CPQ: variants seen among roughly 807,000 people sequenced by gnomAD.
CPQ encodes the protein Ser-Met dipeptidase.
A neutral mutation model predicts 45.7 loss-of-function variants in CPQ; 37 were observed. The ratio of observed to expected loss-of-function variants is 0.81; its 90% CI spans 0.62 to 1.07. The LOEUF (loss-of-function observed/expected upper bound fraction) is 1.07. Among genes scored for constraint, CPQ ranks in the 50% least tolerant of loss-of-function variants. CPQ has a pLI of 0.00. For missense variants in CPQ, 537 were observed against 572.9 expected (o/e 0.94, Z 0.64); for synonymous variants, 186 against 205.8 (o/e 0.90, Z 0.82).
chr8:97,094,701 CT>C (rs1811182242), intron 7 of CPQ, among the ~76,000 whole-genome samples: 1 of 152,142 alleles, frequency 6.6e-6, no homozygotes, highest in South Asian at 2.1e-4. Flanking sequence ...TCAATTCTCT[CT>C]CTTCTCTAAA....
At chr8:96,684,960 C>T (rs987949438) in intron 1 of CPQ, among the ~76,000 whole-genome samples, 2 of 151,750 alleles carry the variant, frequency 1.3e-5, no homozygotes, top group African/African-American at 4.8e-5. Flanking sequence ...AAAAATTAGC[C>T]AGGCATGGTG....
At chr8:96,647,867 C>T (rs1164661924) in intron 1 of CPQ, among the ~76,000 whole-genome samples, 3 of 152,172 alleles carry the variant, frequency 2.0e-5, no homozygotes, top group Admixed American at 6.5e-5. Flanking sequence ...TGAGTGACAT[C>T]GACAGCTGCC....
At chr8:96,692,495 T>C (rs1176083866) in intron 1 of CPQ, among the ~76,000 whole-genome samples, 1 of 151,704 alleles carries the variant, frequency 6.6e-6, no homozygotes, top group Non-Finnish European at 1.5e-5. Context: ...AGACAGACTC[T>C]GTTTGTTTGA....
intron 1 of CPQ, among the ~76,000 whole-genome samples, chr8:96,653,982 T>C (rs1815607322): frequency 2.0e-5 from 3 of 152,236 alleles, no homozygotes; most frequent in African/African-American, 7.2e-5. Flanking sequence ...ACAGTATCAG[T>C]CTTTCTTCTG....
chr8:97,114,997 C>G (rs578248440), intron 7 of CPQ, among the ~76,000 whole-genome samples: 1 of 152,292 alleles, frequency 6.6e-6, no homozygotes, highest in African/African-American at 2.4e-5. Flanking sequence ...TCCTCCTGGA[C>G]AGTTTCCATC....
intron 1 of CPQ, among the ~76,000 whole-genome samples, chr8:96,750,701 A>G (rs1810246861): frequency 6.6e-6 from 1 of 150,800 alleles, no homozygotes; most frequent in Admixed American, 6.6e-5. Flanking sequence ...AACATGTGCC[A>G]TGGTGGTTTG....
At chr8:97,043,077 A>T (rs1810161228) in intron 6 of CPQ, among the ~76,000 whole-genome samples, 2 of 151,848 alleles carry the variant, frequency 1.3e-5, no homozygotes, top group African/African-American at 4.8e-5. Flanking sequence ...TCTAATGTTG[A>T]CAGTGGGGTG....
chr8:96,986,010 G>A (rs1415334911), intron 5 of CPQ, among the ~76,000 whole-genome samples: 1 of 152,146 alleles, frequency 6.6e-6, no homozygotes, highest in Non-Finnish European at 1.5e-5. Context: ...GTAAACACTG[G>A]CATAACATTA....
chr8:97,001,993 G>A (rs187083009), intron 5 of CPQ, among the ~76,000 whole-genome samples: 90 of 151,930 alleles, frequency 5.9e-4, no homozygotes, highest in Middle Eastern at 3.4e-3. Flanking sequence ...GTTCAGTCTT[G>A]GGAGGGTGTA....
chr8:97,029,349 T>C, intron 5 of CPQ, 54 bp from the exon 6 acceptor site: 1 of 1,520,058 alleles, frequency 6.6e-7, no homozygotes, highest in Non-Finnish European at 8.9e-7. Flanking sequence ...GCCATTTTTT[T>C]ATAAAATTCA....
intron 4 of CPQ, among the ~76,000 whole-genome samples, chr8:96,961,816 A>C (rs1053479746): frequency 6.6e-5 from 10 of 152,166 alleles, no homozygotes; most frequent in African/African-American, 2.4e-4. Context: ...GAGAGGGTGA[A>C]ATGTTCTTCA....
chr8:96,847,239 C>T (rs770827018), intron 3 of CPQ, among the ~76,000 whole-genome samples: 1 of 152,190 alleles, frequency 6.6e-6, no homozygotes, highest in Admixed American at 6.5e-5. Context: ...AGTTCTTTAA[C>T]AAAATTTCAC....
chr8:97,038,823 TACAAAAAAA>T (rs1810050029), intron 6 of CPQ, among the ~76,000 whole-genome samples: 1 of 49,142 alleles, frequency 2.0e-5, no homozygotes. Context: ...AAACCGTATT[TACAAAAAAA>T]AAAAAAAAAA....
chr8:96,804,314 G>A (rs1242246241), intron 2 of CPQ, among the ~76,000 whole-genome samples: 1 of 152,154 alleles, frequency 6.6e-6, no homozygotes, highest in Non-Finnish European at 1.5e-5. Flanking sequence ...ATTATTTTTA[G>A]AGTGAGGAAA....
chr8:97,089,219 G>A (rs1423286885), intron 7 of CPQ, among the ~76,000 whole-genome samples: 2 of 145,590 alleles, frequency 1.4e-5, no homozygotes, highest in African/African-American at 5.2e-5. Flanking sequence ...CTCCAGCCTG[G>A]GCAACAAGAG....
intron 3 of CPQ, among the ~76,000 whole-genome samples, chr8:96,872,090 T>C (rs1563517646): frequency 6.6e-6 from 1 of 151,928 alleles, no homozygotes; most frequent in Non-Finnish European, 1.5e-5. Flanking sequence ...CCAAAATACT[T>C]GGGATCAGAA....
At chr8:96,788,599 G>GTA (rs1473504614) in intron 2 of CPQ, among the ~76,000 whole-genome samples, 1 of 151,844 alleles carries the variant, frequency 6.6e-6, no homozygotes, top group Non-Finnish European at 1.5e-5. Flanking sequence ...ATGTATCTAG[G>GTA]TATATATATC....
In CPQ at chr8:96,896,754, A is replaced by G. The variant is rs146173364; in HGVS notation, c.849+16749A>G. Among the ~76,000 whole-genome samples, 174 of 152,276 alleles carry G rather than the reference A, an allele frequency of 1.1e-3. 5 individuals are homozygous for G. The East Asian group carries it at 0.031, about 27-fold the overall frequency. On this transcript the variant is annotated intron_variant, in intron 4 of 7. Coordinates refer to ENST00000220763, the MANE Select transcript of CPQ (RefSeq NM_016134.4). Reference sequence around the variant, plus strand: ...CAAATCCCATACCTTATTTATGTGCATATAGGAGCATCTAATGGGAACTCA... The same window carrying G: ...CAAATCCCATACCTTATTTATGTGCGTATAGGAGCATCTAATGGGAACTCA...
chr8:96,728,467 T>C (rs1050562704), intron 1 of CPQ, among the ~76,000 whole-genome samples: 1 of 152,148 alleles, frequency 6.6e-6, no homozygotes, highest in Admixed American at 6.6e-5. Flanking sequence ...CAGCAGTTTT[T>C]TGATTTAGGA....
Sources: allele counts gnomAD v4.1 joint callset (sites outside exome capture counted in the v4.1 genomes callset), GRCh38; gene constraint gnomAD v4.1.1; transcripts MANE v1.5; gene names NCBI Gene and HGNC (gene_info 2026-07-23, HGNC 2026-07-21).